PDE4D: variants seen among roughly 807,000 people sequenced by gnomAD.
PDE4D encodes the protein phosphodiesterase 4D.
PDE4D carries 24 observed loss-of-function variants against 87.4 expected under a neutral mutation model. The ratio of observed to expected loss-of-function variants is 0.27; its 90% CI spans 0.20 to 0.39. The LOEUF (loss-of-function observed/expected upper bound fraction) is 0.39, where lower values mean the gene tolerates loss of function less well. PDE4D is among the 10% of genes least tolerant of loss of function. The pLI is 1.00. For synonymous variants in PDE4D, 384 were observed against 383.2 expected (o/e 1.00, Z -0.02); for missense variants, 714 against 1,041.0 (o/e 0.69, Z 4.32).
chr5:60,093,229 C>T (rs908221932), intron 2 of PDE4D, among the ~76,000 whole-genome samples: 4 of 152,186 alleles, frequency 2.6e-5, no homozygotes, highest in East Asian at 1.9e-4. Flanking sequence ...ACATCTGACA[C>T]GATTTAGATC....
intron 1 of PDE4D, among the ~76,000 whole-genome samples, chr5:59,580,995 C>A (rs1824030239): frequency 6.6e-6 from 1 of 151,928 alleles, no homozygotes; most frequent in Non-Finnish European, 1.5e-5. Flanking sequence ...ACAACATAAT[C>A]CCTAGTTGTA....
intron 5 of PDE4D, among the ~76,000 whole-genome samples, chr5:59,144,891 G>T (rs968369834): frequency 6.6e-5 from 1 of 15,066 alleles, no homozygotes; most frequent in Non-Finnish European, 1.1e-4. Context: ...AGGGTTTAAT[G>T]GGGGGGGGGG....
At chr5:59,548,085 A>C (rs1166248032) in intron 1 of PDE4D, among the ~76,000 whole-genome samples, 2 of 152,178 alleles carry the variant, frequency 1.3e-5, no homozygotes, top group Non-Finnish European at 2.9e-5. Flanking sequence ...TCAAATCATG[A>C]GAGGGCCTGC....
chr5:59,663,615 AATT>A (rs1212071064), intron 1 of PDE4D, among the ~76,000 whole-genome samples: 1 of 152,194 alleles, frequency 6.6e-6, no homozygotes, highest in Non-Finnish European at 1.5e-5. Flanking sequence ...TTATAATAAC[AATT>A]ATAATAATTG....
At chr5:59,917,793 G>T (rs550315973) in intron 3 of PDE4D, among the ~76,000 whole-genome samples, 1 of 152,038 alleles carries the variant, frequency 6.6e-6, no homozygotes, top group Non-Finnish European at 1.5e-5. Context: ...TAATCTAAAA[G>T]ACCATTTGTA....
intron 1 of PDE4D, among the ~76,000 whole-genome samples, chr5:60,243,163 A>G (rs550613298): frequency 1.3e-3 from 201 of 152,168 alleles, no homozygotes; most frequent in African/African-American, 4.6e-3. Context: ...GTAGAAATTC[A>G]AAGGATCGTT....
At chr5:60,070,190 T>C (rs2152895333) in intron 2 of PDE4D, among the ~76,000 whole-genome samples, 1 of 152,258 alleles carries the variant, frequency 6.6e-6, no homozygotes, top group Admixed American at 6.6e-5. Context: ...CTTACCCAAT[T>C]GCTCTAGATA....
At chr5:59,510,628 A>T (rs1335844423) in intron 1 of PDE4D, among the ~76,000 whole-genome samples, 1 of 151,844 alleles carries the variant, frequency 6.6e-6, no homozygotes, top group East Asian at 1.9e-4. Flanking sequence ...AGACATAGAT[A>T]AAAAATAGTA....
intron 1 of PDE4D, among the ~76,000 whole-genome samples, chr5:59,467,101 T>C (rs1294726044): frequency 6.6e-6 from 1 of 152,174 alleles, no homozygotes; most frequent in Non-Finnish European, 1.5e-5. Context: ...GTCAGCCATC[T>C]ACAAGCTGAG....
At chr5:59,233,820 C>T (rs1230244056) in intron 1 of PDE4D, among the ~76,000 whole-genome samples, 1 of 152,144 alleles carries the variant, frequency 6.6e-6, no homozygotes, top group Non-Finnish European at 1.5e-5. Flanking sequence ...ATCCATTCCA[C>T]AAATGCTCAT....
At chr5:60,315,428 C>T (rs1291398556) in intron 1 of PDE4D, among the ~76,000 whole-genome samples, 5 of 152,068 alleles carry the variant, frequency 3.3e-5, no homozygotes, top group African/African-American at 1.2e-4. Flanking sequence ...TTCTCCCATT[C>T]TGTAGGTTGC....
intron 1 of PDE4D, among the ~76,000 whole-genome samples, chr5:59,312,066 G>C (rs1467579083): frequency 6.6e-6 from 1 of 152,224 alleles, no homozygotes. Context: ...CTTTGGAATT[G>C]GCCCCACTTT....
intron 2 of PDE4D, among the ~76,000 whole-genome samples, chr5:60,106,357 G>C (rs927502952): frequency 6.6e-5 from 10 of 151,416 alleles, no homozygotes; most frequent in Non-Finnish European, 1.0e-4. Context: ...GATTCATAAA[G>C]CAAGTCCTGA....
At chr5:59,410,552 A>G (rs972334584) in intron 1 of PDE4D, among the ~76,000 whole-genome samples, 9 of 152,042 alleles carry the variant, frequency 5.9e-5, no homozygotes, top group Non-Finnish European at 1.5e-5. Flanking sequence ...TGGCAAGTTC[A>G]AGTATTTTTA....
intron 6 of PDE4D, among the ~76,000 whole-genome samples, chr5:59,007,457 C>T (rs894540729): frequency 1.1e-4 from 17 of 152,250 alleles, no homozygotes; most frequent in Admixed American, 6.5e-5. Flanking sequence ...GTTTCTCAGC[C>T]TCCCTTTGCT....
chr5:59,832,234 G>A (rs566611892), intron 1 of PDE4D, among the ~76,000 whole-genome samples: 99 of 152,168 alleles, frequency 6.5e-4, no homozygotes, highest in African/African-American at 2.2e-3. Context: ...TAGACTCAAA[G>A]TAGTGTGGTT....
chr5:60,255,636 A>T (rs551519541), intron 1 of PDE4D, among the ~76,000 whole-genome samples: 23 of 151,910 alleles, frequency 1.5e-4, no homozygotes, highest in Admixed American at 4.6e-4. Context: ...TAAGAAGTAA[A>T]TAACTCATTC....
chr5:60,418,345 TCAGA>T (rs145919937), intron 1 of PDE4D, among the ~76,000 whole-genome samples: 3,258 of 152,184 alleles, frequency 0.021, 55 homozygotes, highest in Non-Finnish European at 0.033. Context: ...AATTTGAAAA[TCAGA>T]CTGACTAAAA....
chr5:59,394,013 T>C (rs1312014891), intron 1 of PDE4D, among the ~76,000 whole-genome samples: 3 of 152,244 alleles, frequency 2.0e-5, no homozygotes, highest in Non-Finnish European at 4.4e-5. Flanking sequence ...GGGCCTAATG[T>C]TTCAGATTTT....
Sources: gnomAD v4.1 joint callset for allele counts (sites outside exome capture counted in the v4.1 genomes callset) on GRCh38, gnomAD v4.1.1 for gene constraint, MANE v1.5 for transcripts, NCBI Gene and HGNC (gene_info 2026-07-23, HGNC 2026-07-21) for gene names.